ATAD2B: variants seen among roughly 807,000 people sequenced by gnomAD.
ATAD2B encodes ATPase family AAA domain containing 2B.
A neutral mutation model predicts 167.6 loss-of-function variants in ATAD2B; 40 were observed. That is an observed-to-expected ratio of 0.24 (90% confidence interval 0.19 to 0.31). The LOEUF is 0.31. Among genes scored for constraint, ATAD2B ranks in the 10% least tolerant of loss-of-function variants. The pLI is 1.00. For missense variants in ATAD2B, 1,242 were observed against 1,757.2 expected (o/e 0.71, Z 5.24); for synonymous variants, 579 against 596.5 (o/e 0.97, Z 0.43).
intron 27 of ATAD2B, among the ~76,000 whole-genome samples, chr2:23,753,856 C>T (rs1675641772): frequency 1.3e-5 from 2 of 152,004 alleles, no homozygotes; most frequent in African/African-American, 4.8e-5. Context: ...AAGTGACAGG[C>T]TCAATTGGCA....
At chr2:23,898,556 C>T (rs147048668) in intron 1 of ATAD2B, among the ~76,000 whole-genome samples, 176 of 152,266 alleles carry the variant, frequency 1.2e-3, no homozygotes, top group African/African-American at 4.0e-3. Context: ...ATAACTCAAC[C>T]ACCTTGGGCA....
the ATAD2B span, among the ~76,000 whole-genome samples, chr2:23,700,855 C>T: frequency 7.2e-5 from 11 of 152,302 alleles, no homozygotes; most frequent in Middle Eastern, 0.01. The surrounding 1 kb of genome is among the most constrained non-coding windows in gnomAD (Gnocchi z 4.6). Flanking sequence ...CACTCACTCG[C>T]TGTTGGGACC....
intron 1 of ATAD2B, among the ~76,000 whole-genome samples, chr2:23,926,025 G>C (rs1704734455): frequency 6.6e-6 from 1 of 152,186 alleles, no homozygotes; most frequent in East Asian, 1.9e-4. Flanking sequence ...TGTCAGAGCA[G>C]CTACAAACTT....
At chr2:23,711,615 C>T in the ATAD2B span, among the ~76,000 whole-genome samples, 6 of 151,968 alleles carry the variant, frequency 3.9e-5, no homozygotes, top group Non-Finnish European at 8.8e-5. Context: ...AGGTGATCTA[C>T]CCACCTCACC....
Position 23,914,840 on chromosome 2 carries a change from C to CAA in ATAD2B, c.216+11713_216+11714dup, listed in dbSNP as rs375215142. The stretch of plus-strand genomic sequence containing the variant: ...CCTGGGCAACAGCGAGACTCCGTCT[C>CAA]AAAAAAAAAAAAAAAAGAACTCTCA... On this transcript the variant is annotated intron_variant, in intron 1 of 27. Transcript: ENST00000238789. Among the ~76,000 whole-genome samples, 277 of 82,730 alleles carry CAA rather than the reference C, an allele frequency of 3.3e-3. 2 individuals are homozygous for CAA. Among genetic ancestry groups the CAA allele is most frequent in the Admixed American group, 4.3e-3 (32 of 7,454 alleles). The allele number at this position is 82,730 out of a possible 152,430, so 54.3% of individuals were successfully genotyped here.
At position 23,767,255 on chromosome 2, in the gene ATAD2B, C is replaced by T. The variant is rs569698158; in HGVS notation, c.3134-1627G>A. Among the ~76,000 whole-genome samples the T allele has an allele frequency of 2.0e-3, 312 of 152,226 alleles. 1 individual carries two copies. The highest frequency in any genetic ancestry group is 2.9e-3 in the Admixed American group (45 of 15,288). On this transcript the variant is annotated intron_variant, in intron 22 of 27. Coordinates refer to ENST00000238789, the MANE Select transcript of ATAD2B (RefSeq NM_017552.4). The stretch of plus-strand genomic sequence containing the variant: ...ACCATTTTTCCCGCCAAAACACTTA[C>T]CTCGTCATTCTCTTTAAATTAGCCA...
chr2:23,836,199 T>G (rs1402057559), intron 13 of ATAD2B, among the ~76,000 whole-genome samples: 1 of 152,146 alleles, frequency 6.6e-6, no homozygotes. Flanking sequence ...CTGCACACAG[T>G]CTGGCATGCC....
the ATAD2B span, among the ~76,000 whole-genome samples, chr2:23,682,247 A>G: frequency 2.6e-5 from 4 of 151,596 alleles, no homozygotes; most frequent in African/African-American, 9.7e-5. The surrounding 1 kb of genome is among the most constrained non-coding windows in gnomAD (Gnocchi z 4.1). Flanking sequence ...AGCACTGCAC[A>G]CTCCCACCCG....
the ATAD2B span, chr2:23,696,058 C>T: frequency 1.9e-6 from 3 of 1,551,792 alleles, no homozygotes; most frequent in Non-Finnish European, 1.7e-6. This position sits in a 1 kb window ranked among gnomAD's most constrained non-coding sequence, Gnocchi z 5.5. Flanking sequence ...CAAGTGGTAC[C>T]CCTTGGCCTC....
At chr2:23,704,834 C>G in the ATAD2B span, among the ~76,000 whole-genome samples, 2 of 152,244 alleles carry the variant, frequency 1.3e-5, no homozygotes, top group Non-Finnish European at 2.9e-5. Flanking sequence ...CTGAAGACAT[C>G]TTGTGCCTAT....
chr2:23,766,402 AAAC>A (rs1487297179), intron 22 of ATAD2B, among the ~76,000 whole-genome samples: 1 of 152,232 alleles, frequency 6.6e-6, no homozygotes, highest in Non-Finnish European at 1.5e-5. Flanking sequence ...CAGAGTTGCA[AAAC>A]AACATTTGCT....
intron 1 of ATAD2B, among the ~76,000 whole-genome samples, chr2:23,919,531 A>C (rs534909709): frequency 3.3e-5 from 5 of 151,658 alleles, no homozygotes; most frequent in African/African-American, 1.2e-4. Context: ...TGGGAGACAA[A>C]GTGAGAGCTT....
At chr2:23,761,317 T>C (rs7582617) in intron 24 of ATAD2B, among the ~76,000 whole-genome samples, 2,416 of 152,310 alleles carry the variant, frequency 0.016, 63 homozygotes, top group African/African-American at 0.055. Flanking sequence ...AACAACATAT[T>C]ATAGCTAGCT....
At chr2:23,682,604 C>T in the ATAD2B span, among the ~76,000 whole-genome samples, 3 of 152,214 alleles carry the variant, frequency 2.0e-5, no homozygotes, top group African/African-American at 7.2e-5. This position sits in a 1 kb window ranked among gnomAD's most constrained non-coding sequence, Gnocchi z 4.1. Context: ...CCCCGCCCAC[C>T]GCCTCATTGT....
At chr2:23,813,170 A>G (rs1402670499) in intron 17 of ATAD2B, among the ~76,000 whole-genome samples, 1 of 151,956 alleles carries the variant, frequency 6.6e-6, no homozygotes, top group South Asian at 2.1e-4. Flanking sequence ...TCAAAGAAAC[A>G]GACAAACATA....
intron 22 of ATAD2B, among the ~76,000 whole-genome samples, chr2:23,769,711 G>GATTTTTTTTT (rs199842019): frequency 1.5e-5 from 2 of 129,836 alleles, no homozygotes; most frequent in African/African-American, 2.7e-5. Context: ...TCTCACTGTG[G>GATTTTTTTTT]GTTTTTTTTT....
chr2:23,808,181 A>T (rs1191938632), intron 18 of ATAD2B, among the ~76,000 whole-genome samples: 3 of 92,264 alleles, frequency 3.3e-5, no homozygotes, highest in Non-Finnish European at 6.6e-5. Context: ...ATATATATTT[A>T]TATATATATT....
chr2:23,880,617 A>G (rs1697738049), intron 7 of ATAD2B, 22 bp downstream of exon 7: 1 of 1,412,448 alleles, frequency 7.1e-7, no homozygotes, highest in South Asian at 1.3e-5. Flanking sequence ...CAGAAAGAAA[A>G]AAGTTATTTA....
chr2:23,692,543 C>T, the ATAD2B span, among the ~76,000 whole-genome samples: 7 of 152,270 alleles, frequency 4.6e-5, no homozygotes, highest in African/African-American at 1.7e-4. Flanking sequence ...GGGGCAGATC[C>T]GTGAGGACAG....
Sources: gnomAD v4.1 joint callset for allele counts (sites outside exome capture counted in the v4.1 genomes callset) on GRCh38, gnomAD v4.1.1 for gene constraint, Gnocchi (gnomAD v3.1) non-coding constraint, MANE v1.5 for transcripts, NCBI Gene and HGNC (gene_info 2026-07-23, HGNC 2026-07-21) for gene names.